The following TMEM132C variants were observed in gnomAD, a reference collection of about 807,000 sequenced individuals.
The protein encoded by TMEM132C is transmembrane protein 132C.
TMEM132C carries 29 observed loss-of-function variants against 61.4 expected under a neutral mutation model. That is an observed-to-expected ratio of 0.47 (90% CI 0.35 to 0.64). TMEM132C has a LOEUF of 0.64. Ranked by LOEUF, TMEM132C falls within the 30% of genes least tolerant of loss-of-function variation. The pLI, the probability that TMEM132C is intolerant of heterozygous loss-of-function variation, is 0.00. For missense variants in TMEM132C, 1,408 were observed against 1,476.9 expected, an observed-to-expected ratio of 0.95 and a Z score of 0.76; for synonymous variants, 656 against 633.1, an observed-to-expected ratio of 1.04 and a Z score of -0.54.
chr12:128,620,232 CAAAAA>C (rs386378194), intron 4 of TMEM132C, among the ~76,000 whole-genome samples: 2 of 61,988 alleles, frequency 3.2e-5, no homozygotes, highest in African/African-American at 5.6e-5. Context: ...GACCCTGTCT[CAAAAA>C]AAAAAAAAAA....
At chr12:128,304,639 A>AAGAAAGAAAGAAAG (rs61627760) in intron 1 of TMEM132C, among the ~76,000 whole-genome samples, 43 of 142,758 alleles carry the variant, frequency 3.0e-4, no homozygotes, top group South Asian at 1.7e-3. Context: ...GAAAGAAAGA[A>AAGAAAGAAAGAAAG]AAAAAAGAAA....
At chr12:128,324,135 CAG>C (rs1872429233) in intron 1 of TMEM132C, among the ~76,000 whole-genome samples, 1 of 152,274 alleles carries the variant, frequency 6.6e-6, no homozygotes, top group Non-Finnish European at 1.5e-5. Flanking sequence ...TCAGTGTCCA[CAG>C]AGTCACGTGG....
At chr12:128,576,257 T>G (rs964237831) in intron 3 of TMEM132C, among the ~76,000 whole-genome samples, 5 of 145,946 alleles carry the variant, frequency 3.4e-5, no homozygotes, top group Non-Finnish European at 6.0e-5. Flanking sequence ...TGAAAAAGAT[T>G]AGAAGGGGAG....
chr12:128,633,073 G>A (rs1246547097), intron 4 of TMEM132C, among the ~76,000 whole-genome samples: 1 of 152,182 alleles, frequency 6.6e-6, no homozygotes, highest in Non-Finnish European at 1.5e-5. Flanking sequence ...TATGAGATTG[G>A]TGGGGGCTGC....
chr12:128,496,816 CCTT>C (rs1242784181), intron 2 of TMEM132C, among the ~76,000 whole-genome samples: 3 of 152,198 alleles, frequency 2.0e-5, no homozygotes, highest in Non-Finnish European at 4.4e-5. Context: ...TTATCTGAAG[CCTT>C]CTTCTCTCAA....
chr12:128,666,939 C>T (rs982423773), intron 4 of TMEM132C, among the ~76,000 whole-genome samples: 39 of 151,598 alleles, frequency 2.6e-4, no homozygotes, highest in African/African-American at 9.4e-4. Flanking sequence ...GCGTGGTGGC[C>T]GGTGCCTGTA....
At chr12:128,517,184 T>A (rs769457131) in intron 2 of TMEM132C, among the ~76,000 whole-genome samples, 1 of 151,018 alleles carries the variant, frequency 6.6e-6, no homozygotes, top group Non-Finnish European at 1.5e-5. Flanking sequence ...TGAGGCGAGA[T>A]CACACCACGG....
intron 3 of TMEM132C, among the ~76,000 whole-genome samples, chr12:128,558,197 A>G (rs143670682): frequency 6.6e-6 from 1 of 152,300 alleles, no homozygotes; most frequent in East Asian, 1.9e-4. Context: ...GTGGTACAGA[A>G]TATCTTGCAT....
At chr12:128,434,334 CTT>C (rs1034116961) in intron 2 of TMEM132C, among the ~76,000 whole-genome samples, 2 of 152,216 alleles carry the variant, frequency 1.3e-5, no homozygotes, top group African/African-American at 4.8e-5. Flanking sequence ...GAGTTTCTCT[CTT>C]GTCGCCCAGG....
At chr12:128,699,878 C>T (rs2135659269) in intron 8 of TMEM132C, among the ~76,000 whole-genome samples, 1 of 152,294 alleles carries the variant, frequency 6.6e-6, no homozygotes, top group East Asian at 1.9e-4. Context: ...GCATGCAGGT[C>T]CTCATCCAGC....
chr12:128,300,125 G>A (rs1402512887), intron 1 of TMEM132C, among the ~76,000 whole-genome samples: 3 of 152,334 alleles, frequency 2.0e-5, no homozygotes, highest in Non-Finnish European at 2.9e-5. Context: ...AGCCATAAGC[G>A]TAAGCCAAAG....
chr12:128,434,037 G>A (rs1869490347), intron 2 of TMEM132C, among the ~76,000 whole-genome samples: 1 of 152,194 alleles, frequency 6.6e-6, no homozygotes, highest in South Asian at 2.1e-4. Context: ...GCAGCAAGCC[G>A]ATGCCAGTGT....
chr12:128,329,043 C>T (rs1248553836), intron 1 of TMEM132C, among the ~76,000 whole-genome samples: 1 of 152,042 alleles, frequency 6.6e-6, no homozygotes, highest in Non-Finnish European at 1.5e-5. Flanking sequence ...AGATTTCTAC[C>T]CTAGGCCCCA....
intron 3 of TMEM132C, among the ~76,000 whole-genome samples, chr12:128,562,657 G>A (rs970017533): frequency 6.6e-6 from 1 of 152,156 alleles, no homozygotes; most frequent in Non-Finnish European, 1.5e-5. Context: ...CTGGGCTGAG[G>A]CTCTGCATGC....
chr12:128,372,024 C>T (rs1240086525), intron 1 of TMEM132C, among the ~76,000 whole-genome samples: 1 of 152,158 alleles, frequency 6.6e-6, no homozygotes, highest in East Asian at 1.9e-4. Flanking sequence ...CTGCATCACC[C>T]CAATAAGATC....
chr12:128,621,810 G>A (rs1953965733), intron 4 of TMEM132C, among the ~76,000 whole-genome samples: 1 of 152,152 alleles, frequency 6.6e-6, no homozygotes, highest in Non-Finnish European at 1.5e-5. Context: ...CCTGCCCCTA[G>A]GCCTTGGGGT....
chr12:128,474,517 A>G (rs1013588989), intron 2 of TMEM132C, among the ~76,000 whole-genome samples: 2 of 152,226 alleles, frequency 1.3e-5, no homozygotes, highest in African/African-American at 4.8e-5. Context: ...GACACAGTTT[A>G]TCTTGCAGCA....
intron 5 of TMEM132C, among the ~76,000 whole-genome samples, chr12:128,686,089 TGTG>T (rs1442278306): frequency 7.5e-6 from 1 of 133,200 alleles, no homozygotes; most frequent in Non-Finnish European, 1.5e-5. Context: ...GCATGTGTGT[TGTG>T]TGCGCATGTG....
At chr12:128,575,326 A>G (rs1461745208) in intron 3 of TMEM132C, among the ~76,000 whole-genome samples, 1 of 152,172 alleles carries the variant, frequency 6.6e-6, no homozygotes, top group Non-Finnish European at 1.5e-5. Context: ...TGAAAATACA[A>G]AAATTAGCTG....
Sources: allele counts gnomAD v4.1 joint callset (sites outside exome capture counted in the v4.1 genomes callset), GRCh38; gene constraint gnomAD v4.1.1; transcripts MANE v1.5; gene names NCBI Gene and HGNC (gene_info 2026-07-23, HGNC 2026-07-21).